Variants in LHFPL3 observed in about 807,000 individuals in gnomAD.
The protein encoded by LHFPL3 is LHFPL tetraspan subfamily member 3, also known as LHFPL tetraspan subfamily member 3 protein.
Under a neutral mutation model 19.3 loss-of-function variants are expected in LHFPL3, and 5 were observed. The ratio of observed to expected loss-of-function variants is 0.26; its 90% confidence interval spans 0.14 to 0.54. LHFPL3 has a LOEUF of 0.54. LHFPL3 is among the 20% of genes least tolerant of loss of function. The pLI is 0.94. For synonymous variants in LHFPL3, 133 were observed against 126.2 expected, an observed-to-expected ratio of 1.05 and a Z score of -0.36; for missense variants, 249 against 307.4, an observed-to-expected ratio of 0.81 and a Z score of 1.42.
At chr7:104,699,933 T>C (rs546646701) in intron 1 of LHFPL3, among the ~76,000 whole-genome samples, 2 of 152,322 alleles carry the variant, frequency 1.3e-5, no homozygotes, top group South Asian at 4.1e-4. Flanking sequence ...CCTCTTCCTC[T>C]GATGAATAGG....
intron 1 of LHFPL3, among the ~76,000 whole-genome samples, chr7:104,666,780 C>T (rs1332933611): frequency 6.6e-6 from 1 of 151,926 alleles, no homozygotes; most frequent in African/African-American, 2.4e-5. Context: ...CCTCGGCCTC[C>T]CAAAGTGCTG....
At chr7:104,513,074 T>A (rs1035604457) in intron 1 of LHFPL3, among the ~76,000 whole-genome samples, 1 of 152,146 alleles carries the variant, frequency 6.6e-6, no homozygotes, top group African/African-American at 2.4e-5. Flanking sequence ...ATGATAAAAA[T>A]AAAATATGTA....
intron 1 of LHFPL3, among the ~76,000 whole-genome samples, chr7:104,558,379 T>C (rs1316217369): frequency 6.7e-6 from 1 of 148,912 alleles, no homozygotes; most frequent in Non-Finnish European, 1.5e-5. Flanking sequence ...TTCTAACTGG[T>C]GTGAGATGGT....
intron 2 of LHFPL3, among the ~76,000 whole-genome samples, chr7:104,884,782 C>T (rs1562825504): frequency 1.3e-5 from 2 of 152,164 alleles, no homozygotes; most frequent in South Asian, 2.1e-4. Context: ...TTACCTCTGA[C>T]CCAAGCTTCA....
At chr7:104,756,901 G>T (rs112032164) in intron 2 of LHFPL3, among the ~76,000 whole-genome samples, 2 of 152,138 alleles carry the variant, frequency 1.3e-5, no homozygotes, top group Admixed American at 1.3e-4. Flanking sequence ...TACTGTGTGC[G>T]TAAAATATCT....
intron 1 of LHFPL3, among the ~76,000 whole-genome samples, chr7:104,677,628 G>A (rs1344141496): frequency 6.6e-6 from 1 of 152,174 alleles, no homozygotes; most frequent in East Asian, 1.9e-4. Flanking sequence ...AGGTAACACA[G>A]AAGCAACATT....
At chr7:104,390,524 T>C (rs938153630) in intron 1 of LHFPL3, among the ~76,000 whole-genome samples, 2 of 152,222 alleles carry the variant, frequency 1.3e-5, no homozygotes, top group African/African-American at 4.8e-5. Context: ...CATCCTTTTT[T>C]AAGGCTGCGT....
At chr7:104,430,419 CATATATATATATAT>C (rs1457442187) in intron 1 of LHFPL3, among the ~76,000 whole-genome samples, 14 of 14,650 alleles carry the variant, frequency 9.6e-4, no homozygotes, top group Admixed American at 3.5e-3. Flanking sequence ...TATATATATA[CATATATATATATAT>C]ATATATATAT....
intron 1 of LHFPL3, among the ~76,000 whole-genome samples, chr7:104,561,588 G>C (rs1790004934): frequency 6.6e-6 from 1 of 152,220 alleles, no homozygotes; most frequent in East Asian, 1.9e-4. Flanking sequence ...CTGCATGTGA[G>C]ATGGGTTTCC....
intron 1 of LHFPL3, among the ~76,000 whole-genome samples, chr7:104,439,751 A>G (rs1792179787): frequency 6.6e-6 from 1 of 152,184 alleles, no homozygotes; most frequent in Non-Finnish European, 1.5e-5. Context: ...TTAATGGTAA[A>G]AAACTGAACG....
intron 1 of LHFPL3, among the ~76,000 whole-genome samples, chr7:104,454,291 A>G (rs535111355): frequency 1.3e-5 from 2 of 152,222 alleles, no homozygotes; most frequent in African/African-American, 4.8e-5. Flanking sequence ...TAGTCAGACC[A>G]TAGGTAGACC....
intron 1 of LHFPL3, among the ~76,000 whole-genome samples, chr7:104,422,429 C>T (rs1029379483): frequency 2.0e-5 from 3 of 152,004 alleles, no homozygotes; most frequent in African/African-American, 7.2e-5. Flanking sequence ...TATGGGGCTT[C>T]ATTATAACAG....
At chr7:104,814,132 T>C (rs1460605931) in intron 2 of LHFPL3, among the ~76,000 whole-genome samples, 1 of 152,044 alleles carries the variant, frequency 6.6e-6, no homozygotes, top group Non-Finnish European at 1.5e-5. Flanking sequence ...ACAGCCATGG[T>C]GTCCTGATAA....
At chr7:104,560,878 T>G (rs1197279445) in intron 1 of LHFPL3, among the ~76,000 whole-genome samples, 1 of 150,556 alleles carries the variant, frequency 6.6e-6, no homozygotes. Flanking sequence ...TCTGGTATGT[T>G]GTGTCTTTGT....
chr7:104,635,085 T>G (rs1791707313), intron 1 of LHFPL3, among the ~76,000 whole-genome samples: 1 of 152,164 alleles, frequency 6.6e-6, no homozygotes. Flanking sequence ...TAAAAACAAC[T>G]TGGACATTTA....
intron 1 of LHFPL3, among the ~76,000 whole-genome samples, chr7:104,555,798 G>A (rs1562933211): frequency 6.6e-6 from 1 of 152,098 alleles, no homozygotes; most frequent in Non-Finnish European, 1.5e-5. Context: ...CTGAGACAAA[G>A]CAAGTCCCTT....
At position 104,504,618 on chromosome 7, in the gene LHFPL3, A is replaced by G. The variant is rs1562918612; in HGVS notation, c.445+175394A>G. ...TGGGTTATGAATATTTAATACAAATATAGGGGTCTCAGGGTTGATTCCAAT... is the reference window on the plus strand; with the variant it reads ...TGGGTTATGAATATTTAATACAAATGTAGGGGTCTCAGGGTTGATTCCAAT... On this transcript the variant is annotated intron_variant, in intron 1 of 2. Transcript: ENST00000424859. 2.0e-5 allele frequency among the ~76,000 whole-genome samples: 3 copies of G among 152,228 alleles called. No homozygotes were observed. The South Asian group carries it at 6.2e-4, about 31-fold the overall frequency.
intron 1 of LHFPL3, among the ~76,000 whole-genome samples, chr7:104,585,288 A>C (rs150974194): frequency 2.4e-3 from 361 of 152,218 alleles, no homozygotes; most frequent in African/African-American, 8.1e-3. Context: ...AAACCTCCTT[A>C]TAACCAACTA....
intron 1 of LHFPL3, among the ~76,000 whole-genome samples, chr7:104,522,548 G>A (rs926346202): frequency 4.0e-5 from 6 of 151,546 alleles, no homozygotes; most frequent in African/African-American, 1.5e-4. Flanking sequence ...ATAAAAAAAA[G>A]AATAAAGAAA....
Sources: allele counts gnomAD v4.1 joint callset (sites outside exome capture counted in the v4.1 genomes callset), GRCh38; gene constraint gnomAD v4.1.1; transcripts MANE v1.5; gene names NCBI Gene and HGNC (gene_info 2026-07-23, HGNC 2026-07-21).